SIPA1L1: variants seen among roughly 807,000 people sequenced by gnomAD.
SIPA1L1 encodes signal-induced proliferation-associated 1-like protein 1.
In SIPA1L1, 26 loss-of-function variants were observed where a neutral mutation model predicts 162.7. That is an observed-to-expected ratio of 0.16 (90% confidence interval 0.12 to 0.22). SIPA1L1 has a LOEUF of 0.22. Ranked by LOEUF, SIPA1L1 falls within the 10% of genes least tolerant of loss-of-function variation. The pLI, the probability that SIPA1L1 is intolerant of heterozygous loss-of-function variation, is 1.00. For missense variants in SIPA1L1, 1,874 were observed against 2,241.0 expected (o/e 0.84, Z 3.31); for synonymous variants, 829 against 837.4 (o/e 0.99, Z 0.17).
At chr14:71,732,526 G>A (rs1364962242) in intron 20 of SIPA1L1, among the ~76,000 whole-genome samples, 1 of 152,166 alleles carries the variant, frequency 6.6e-6, no homozygotes, top group Admixed American at 6.5e-5. Context: ...GCTGCCTTCA[G>A]TGTTCAGGGT....
At chr14:71,639,989 C>T (rs531698040) in intron 7 of SIPA1L1, among the ~76,000 whole-genome samples, 3 of 152,206 alleles carry the variant, frequency 2.0e-5, no homozygotes, top group African/African-American at 4.8e-5. Flanking sequence ...CTGCAACCTC[C>T]GCCTCCCAGA....
chr14:71,731,877 G>A (rs566096329), intron 20 of SIPA1L1, among the ~76,000 whole-genome samples: 1 of 152,172 alleles, frequency 6.6e-6, no homozygotes, highest in South Asian at 2.1e-4. Flanking sequence ...CCCTAACCAG[G>A]CAGTCCTCAT....
intron 3 of SIPA1L1, among the ~76,000 whole-genome samples, chr14:71,525,882 T>TA (rs758592103): frequency 3.7e-4 from 57 of 152,204 alleles, no homozygotes; most frequent in South Asian, 8.3e-4. Context: ...TGCAGGGACT[T>TA]ATTTCTACCA....
chr14:71,440,646 C>CAAAAAAAAAAAAAAAA (rs397853535), intron 2 of SIPA1L1, among the ~76,000 whole-genome samples: 1 of 55,666 alleles, frequency 1.8e-5, no homozygotes, highest in Non-Finnish European at 3.0e-5. Flanking sequence ...GAACCCATCT[C>CAAAAAAAAAAAAAAAA]AAAAAAAAAA....
intron 2 of SIPA1L1, among the ~76,000 whole-genome samples, chr14:71,470,094 C>T (rs890286837): frequency 9.2e-5 from 14 of 152,180 alleles, no homozygotes; most frequent in African/African-American, 3.4e-4. Flanking sequence ...CAGATTGAGA[C>T]AGGGAAATGA....
chr14:71,476,580 T>C (rs1385253264), intron 2 of SIPA1L1, among the ~76,000 whole-genome samples: 1 of 152,194 alleles, frequency 6.6e-6, no homozygotes. Context: ...TTTTTGTAAA[T>C]TTGAGGTATT....
intron 4 of SIPA1L1, among the ~76,000 whole-genome samples, chr14:71,558,051 G>T (rs929487894): frequency 3.3e-5 from 5 of 152,200 alleles, no homozygotes; most frequent in African/African-American, 1.2e-4. Flanking sequence ...GGTGACATAG[G>T]TAAAAAAATA....
chr14:71,524,256 CTA>C (rs1158308316), intron 3 of SIPA1L1, among the ~76,000 whole-genome samples: 1 of 152,172 alleles, frequency 6.6e-6, no homozygotes, highest in Non-Finnish European at 1.5e-5. Flanking sequence ...GCCTCAGTGT[CTA>C]TTATAGTCAA....
chr14:71,724,038 T>C (rs748399419), intron 18 of SIPA1L1, 152 bp downstream of exon 18: 18 of 775,170 alleles, frequency 2.3e-5, no homozygotes, highest in Non-Finnish European at 3.4e-5. Context: ...TTTTCCTAAG[T>C]AATATTTTCT....
chr14:71,515,555 A>T (rs1012311589), intron 3 of SIPA1L1, among the ~76,000 whole-genome samples: 1 of 152,220 alleles, frequency 6.6e-6, no homozygotes, highest in Admixed American at 6.5e-5. Flanking sequence ...TGATGTCTCT[A>T]TGTAACTTAC....
At chr14:71,378,913 CTG>C (rs2141148488) in intron 2 of SIPA1L1, among the ~76,000 whole-genome samples, 1 of 152,250 alleles carries the variant, frequency 6.6e-6, no homozygotes, top group East Asian at 1.9e-4. Flanking sequence ...ATTAGAAGCT[CTG>C]TGTGTGGTGA....
intron 17 of SIPA1L1, among the ~76,000 whole-genome samples, chr14:71,720,935 A>T (rs186340880): frequency 2.5e-4 from 38 of 152,082 alleles, no homozygotes; most frequent in African/African-American, 7.2e-4. Flanking sequence ...TCACTCTGGG[A>T]TTGGTCACTG....
chr14:71,444,877 A>G (rs750099335), intron 2 of SIPA1L1, among the ~76,000 whole-genome samples: 1 of 152,204 alleles, frequency 6.6e-6, no homozygotes, highest in East Asian at 1.9e-4. Flanking sequence ...GCTCTTTGCC[A>G]CTAAAGCCTG....
intron 4 of SIPA1L1, among the ~76,000 whole-genome samples, chr14:71,564,612 C>T (rs1239381122): frequency 2.0e-5 from 3 of 151,778 alleles, no homozygotes; most frequent in African/African-American, 7.3e-5. Context: ...CTCAGCCTCC[C>T]AAGTAGCTGG....
At chr14:71,631,251 T>C (rs2040542789) in intron 7 of SIPA1L1, among the ~76,000 whole-genome samples, 1 of 152,252 alleles carries the variant, frequency 6.6e-6, no homozygotes, top group Non-Finnish European at 1.5e-5. Context: ...CCCTTTCTTA[T>C]ACAAGATATA....
At chr14:71,321,013 C>G (rs1050209894) in intron 1 of SIPA1L1, 109 bp from the exon 2 acceptor site, 3 of 152,232 alleles carry the variant, frequency 2.0e-5, no homozygotes, top group Non-Finnish European at 2.9e-5. Context: ...CTCGGGCCCC[C>G]CTCCGCTCCG....
At chr14:71,583,322 T>C (rs576300763) in intron 4 of SIPA1L1, among the ~76,000 whole-genome samples, 35 of 152,288 alleles carry the variant, frequency 2.3e-4, no homozygotes, top group Non-Finnish European at 1.8e-4. Flanking sequence ...CTGAAGTGTA[T>C]ATCTCTGAAT....
intron 3 of SIPA1L1, among the ~76,000 whole-genome samples, chr14:71,521,644 C>T (rs80080051): frequency 9.8e-5 from 15 of 152,330 alleles, no homozygotes; most frequent in Admixed American, 3.3e-4. Context: ...GTGTCTTTTG[C>T]TACAAATATG....
chr14:71,649,040 T>C (rs1373493581), intron 7 of SIPA1L1, among the ~76,000 whole-genome samples: 4 of 152,228 alleles, frequency 2.6e-5, no homozygotes, highest in Non-Finnish European at 5.9e-5. Context: ...ATGATAGGTA[T>C]TCAATAAATG....
Sources: allele counts gnomAD v4.1 joint callset (sites outside exome capture counted in the v4.1 genomes callset), GRCh38; gene constraint gnomAD v4.1.1; transcripts MANE v1.5; gene names NCBI Gene and HGNC (gene_info 2026-07-23, HGNC 2026-07-21).